The following CTNNA3 variants were observed in gnomAD, a reference collection of about 807,000 sequenced individuals.
CTNNA3 encodes the protein catenin alpha-3.
In CTNNA3, 76 loss-of-function variants were observed where a neutral mutation model predicts 95.7. The observed-to-expected ratio is 0.79, with a 90% confidence interval of 0.66 to 0.96. The LOEUF (loss-of-function observed/expected upper bound fraction) is 0.96, where lower values mean the gene tolerates loss of function less well. CTNNA3 is among the 40% of genes least tolerant of loss of function. CTNNA3 has a pLI of 0.00. For missense variants in CTNNA3, 1,191 were observed against 1,089.8 expected, an observed-to-expected ratio of 1.09 and a Z score of -1.31; for synonymous variants, 431 against 374.4, an observed-to-expected ratio of 1.15 and a Z score of -1.74.
chr10:66,339,584 A>G (rs2092431923), intron 12 of CTNNA3, among the ~76,000 whole-genome samples: 1 of 151,780 alleles, frequency 6.6e-6, no homozygotes, highest in African/African-American at 2.4e-5. Context: ...GTTAATTCTT[A>G]TGTCCTACTT....
intron 7 of CTNNA3, among the ~76,000 whole-genome samples, chr10:67,143,228 G>T (rs1589789178): frequency 1.3e-5 from 2 of 151,854 alleles, no homozygotes; most frequent in South Asian, 4.2e-4. Context: ...ATCACCTGAG[G>T]TCAGGAGTTC....
At chr10:66,443,117 C>A (rs890213897) in intron 11 of CTNNA3, among the ~76,000 whole-genome samples, 3 of 152,158 alleles carry the variant, frequency 2.0e-5, no homozygotes, top group Non-Finnish European at 2.9e-5. Flanking sequence ...GGAGGGGCGC[C>A]TGTCATTGCC....
At position 66,499,873 on chromosome 10, in the gene CTNNA3, G is replaced by C. The variant is rs1217070692; in HGVS notation, c.1531+20744C>G. Among the ~76,000 whole-genome samples, 3 of 147,560 alleles carry C rather than the reference G, an allele frequency of 2.0e-5. No individual in the cohort carries two copies. In the East Asian group the frequency reaches 5.9e-4, roughly 29 times the overall value. On this transcript the variant is annotated intron_variant, in intron 11 of 17. Coordinates refer to ENST00000433211, the MANE Select transcript of CTNNA3 (RefSeq NM_013266.4). ...GCTGGAGTGCAGTGGCACGATCTCC[G>C]CTCACTGCAAAATCTGCCTCCCGGC... is the stretch of plus-strand genomic sequence containing the variant.
At chr10:67,560,513 G>C (rs1331714794) in intron 3 of CTNNA3, among the ~76,000 whole-genome samples, 2 of 152,198 alleles carry the variant, frequency 1.3e-5, no homozygotes. Context: ...GGAACAACCG[G>C]TACCAGCTAC....
chr10:66,913,250 AAAAAAAAAAAAAAAAG>A (rs1484818455), intron 7 of CTNNA3, among the ~76,000 whole-genome samples: 1 of 149,382 alleles, frequency 6.7e-6, no homozygotes, highest in African/African-American at 2.4e-5. Context: ...AAAAAAAAAA[AAAAAAAAAAAAAAAAG>A]AAAAAGAAAA....
chr10:67,289,077 C>T (rs574622064), intron 5 of CTNNA3, among the ~76,000 whole-genome samples: 1 of 152,142 alleles, frequency 6.6e-6, no homozygotes, highest in Non-Finnish European at 1.5e-5. Context: ...AAGTTCTAAT[C>T]TCAGCCTTTA....
chr10:66,115,806 A>T (rs2082321440), intron 13 of CTNNA3, among the ~76,000 whole-genome samples: 1 of 152,160 alleles, frequency 6.6e-6, no homozygotes, highest in East Asian at 1.9e-4. Flanking sequence ...AGTAAGGATA[A>T]GCAGGACGGC....
At chr10:66,201,949 T>C (rs1249411154) in intron 13 of CTNNA3, among the ~76,000 whole-genome samples, 2 of 151,854 alleles carry the variant, frequency 1.3e-5, no homozygotes, top group Non-Finnish European at 2.9e-5. Flanking sequence ...GCACCATGCC[T>C]GGCTAACTTG....
At chr10:66,472,201 C>T (rs181494281) in intron 11 of CTNNA3, among the ~76,000 whole-genome samples, 25 of 151,618 alleles carry the variant, frequency 1.6e-4, no homozygotes, top group Admixed American at 1.5e-3. Context: ...TTCTAGTGAA[C>T]AGAACAAAGT....
chr10:67,648,215 T>C (rs1204953973), intron 1 of CTNNA3, among the ~76,000 whole-genome samples: 1 of 152,170 alleles, frequency 6.6e-6, no homozygotes, highest in Non-Finnish European at 1.5e-5. Context: ...TTCAGTGAGA[T>C]TTTTGCCTAA....
At chr10:67,274,233 G>T (rs1030943627) in intron 5 of CTNNA3, among the ~76,000 whole-genome samples, 1 of 151,942 alleles carries the variant, frequency 6.6e-6, no homozygotes, top group Non-Finnish European at 1.5e-5. Context: ...CAAAAGAAAT[G>T]GAAGAAGAGT....
chr10:66,931,046 T>A (rs974530612), intron 7 of CTNNA3, among the ~76,000 whole-genome samples: 4 of 152,108 alleles, frequency 2.6e-5, no homozygotes, highest in African/African-American at 9.7e-5. Flanking sequence ...CTCACCTCCA[T>A]CCCATGGTAC....
At chr10:67,222,132 A>G (rs1389460168) in intron 5 of CTNNA3, among the ~76,000 whole-genome samples, 2 of 152,178 alleles carry the variant, frequency 1.3e-5, no homozygotes, top group African/African-American at 4.8e-5. Context: ...GGCTTGTGCT[A>G]CTATATTTTT....
upstream of CTNNA3, among the ~76,000 whole-genome samples, chr10:67,700,086 T>A (rs1841023768): frequency 6.6e-6 from 1 of 152,254 alleles, no homozygotes; most frequent in African/African-American, 2.4e-5. Flanking sequence ...CGCCCGCCAT[T>A]GCCCAGGCTT....
chr10:66,073,102 G>C (rs2080475248), intron 14 of CTNNA3, among the ~76,000 whole-genome samples: 1 of 152,018 alleles, frequency 6.6e-6, no homozygotes, highest in Non-Finnish European at 1.5e-5. Context: ...AATAGAGTAG[G>C]GGTTACCAGG....
rs1564549474 is a variant in CTNNA3 at position 67,303,403 on chromosome 10, G to A, written c.580-83533C>T. Among the ~76,000 whole-genome samples, 3 of 152,294 alleles carry A rather than the reference G, an allele frequency of 2.0e-5. No individual in the cohort carries two copies. The Middle Eastern group carries it at 0.01, about 518-fold the overall frequency. On this transcript the variant is annotated intron_variant, in intron 5 of 17. Transcript: ENST00000433211. ...AATTCAACCAGAATCTAGAAGGCGAGGGAACCAGATAATTTTGTACATTAC... is the reference window on the plus strand; with the variant it reads ...AATTCAACCAGAATCTAGAAGGCGAAGGAACCAGATAATTTTGTACATTAC...
chr10:67,406,652 G>T (rs1845147649), intron 5 of CTNNA3, among the ~76,000 whole-genome samples: 1 of 151,154 alleles, frequency 6.6e-6, no homozygotes, highest in African/African-American at 2.4e-5. Flanking sequence ...CTGAAAAAAA[G>T]TTAATAAAAT....
At chr10:67,651,834 G>A (rs1474032856) in intron 1 of CTNNA3, among the ~76,000 whole-genome samples, 1 of 152,078 alleles carries the variant, frequency 6.6e-6, no homozygotes, top group Non-Finnish European at 1.5e-5. Flanking sequence ...AGTAATTACT[G>A]CCCTTTATTT....
chr10:67,577,648 G>GTA (rs777698878), intron 3 of CTNNA3, among the ~76,000 whole-genome samples: 21 of 151,280 alleles, frequency 1.4e-4, no homozygotes, highest in South Asian at 2.1e-4. Context: ...ATATGTATGT[G>GTA]TATATATATA....
Sources: allele counts gnomAD v4.1 joint callset (sites outside exome capture counted in the v4.1 genomes callset), GRCh38; gene constraint gnomAD v4.1.1; transcripts MANE v1.5; gene names NCBI Gene and HGNC (gene_info 2026-07-23, HGNC 2026-07-21).